FAM229B: variants seen among roughly 807,000 people sequenced by gnomAD.
FAM229B encodes the protein protein FAM229B.
FAM229B carries 2 observed loss-of-function variants against 6.7 expected under a neutral mutation model. That is an observed-to-expected ratio of 0.30 (90% CI 0.12 to 0.94). The LOEUF (loss-of-function observed/expected upper bound fraction) is 0.94. Ranked by LOEUF, FAM229B falls within the 40% of genes least tolerant of loss-of-function variation. The probability of loss-of-function intolerance (pLI) is 0.54; values close to 1 mark genes in which losing one functional copy is unlikely to be tolerated. For synonymous variants in FAM229B, 29 were observed against 34.0 expected, an observed-to-expected ratio of 0.85 and a Z score of 0.51; for missense variants, 93 against 96.2, an observed-to-expected ratio of 0.97 and a Z score of 0.14.
rs148610541 is a variant in FAM229B, at chr6:112,088,421, T to C, written c.-176+701T>C. On this transcript the variant is annotated intron_variant, in intron 1 of 3. Transcript: ENST00000368656. ...TCAAGTACTTCTTTAATGAAATTAA[T>C]ATTTTCCACAAAAATTCTGAAGAAC... Among the ~76,000 whole-genome samples the C allele has an allele frequency of 4.7e-3, 711 of 152,346 alleles. 9 individuals carry two copies. The highest frequency in any genetic ancestry group is 0.016 in the African/African-American group (674 of 41,578).
intron 1 of FAM229B, 31 bp from the exon 2 acceptor site, chr6:112,097,010 G>T (rs1777335013): frequency 6.6e-6 from 1 of 152,216 alleles, no homozygotes; most frequent in Non-Finnish European, 1.5e-5. Context: ...CTTGTTGTTG[G>T]AGCTATGCAT....
intron 1 of FAM229B, among the ~76,000 whole-genome samples, chr6:112,093,239 C>T (rs1424511489): frequency 6.6e-6 from 1 of 151,744 alleles, no homozygotes; most frequent in Non-Finnish European, 1.5e-5. Flanking sequence ...TGAAAAGTAT[C>T]TATACAAGTA....
In FAM229B at chr6:112,100,949, C is replaced by T; in HGVS notation, c.*162C>T. ...CGACAGAAATGTAGTCAGTAAAGCACATGTAGTGATAGGCTATCAGTTATG... is the reference window on the plus strand; with the variant it reads ...CGACAGAAATGTAGTCAGTAAAGCATATGTAGTGATAGGCTATCAGTTATG... On this transcript the variant is annotated 3_prime_UTR_variant, in exon 4 of 4. Transcript: ENST00000368656. The T allele has an allele frequency of 1.6e-6, 1 of 618,068 alleles. No individual in the cohort carries two copies. The highest frequency in any genetic ancestry group is 2.9e-6 in the Non-Finnish European group (1 of 345,410). The allele number at this position is 618,068 out of a possible 1,614,324, so 38.3% of individuals were successfully genotyped here. A position where few individuals can be genotyped will look rare whatever the true frequency, so the allele number is the denominator to read the frequency against.
At chr6:112,092,368 T>C (rs1351076026) in intron 1 of FAM229B, among the ~76,000 whole-genome samples, 2 of 152,126 alleles carry the variant, frequency 1.3e-5, no homozygotes, top group Non-Finnish European at 2.9e-5. Flanking sequence ...ACAGACTTCT[T>C]GTTGGGAACA....
At chr6:112,088,717 A>G (rs1164520538) in intron 1 of FAM229B, among the ~76,000 whole-genome samples, 1 of 152,176 alleles carries the variant, frequency 6.6e-6, no homozygotes, top group Non-Finnish European at 1.5e-5. Flanking sequence ...GGTCAGTGGT[A>G]GAGGTAAAGT....
intron 1 of FAM229B, among the ~76,000 whole-genome samples, chr6:112,096,627 G>T (rs1040546882): frequency 2.6e-5 from 4 of 152,106 alleles, no homozygotes; most frequent in Non-Finnish European, 5.9e-5. Flanking sequence ...GGAATTTGAA[G>T]ACTCTCTTGA....
chr6:112,088,944 T>C (rs1777218536), intron 1 of FAM229B, among the ~76,000 whole-genome samples: 1 of 152,156 alleles, frequency 6.6e-6, no homozygotes, highest in Non-Finnish European at 1.5e-5. Context: ...CACATCTTAT[T>C]AATAACTTCA....
chr6:112,097,568 C>T (rs1278903086), intron 2 of FAM229B, among the ~76,000 whole-genome samples: 1 of 151,986 alleles, frequency 6.6e-6, no homozygotes, highest in East Asian at 1.9e-4. Flanking sequence ...TAGCTGAAAA[C>T]ATTGTGTACT....
intron 1 of FAM229B, among the ~76,000 whole-genome samples, chr6:112,091,375 C>G (rs1434281471): frequency 1.3e-5 from 2 of 152,146 alleles, no homozygotes; most frequent in African/African-American, 4.8e-5. Flanking sequence ...GAAAGAACCA[C>G]TGGAAATAAG....
chr6:112,099,206 A>G lies in FAM229B; in HGVS notation c.-14-64A>G, dbSNP rs149710746. 3.0e-3 allele frequency: 4,240 copies of G among 1,400,570 alleles called. 7 individuals carry two copies. Among genetic ancestry groups the G allele is most frequent in the Non-Finnish European group, 3.9e-3 (3,962 of 1,008,222 alleles). The allele number at this position is 1,400,570 out of a possible 1,614,324, so 86.8% of individuals were successfully genotyped here. A position where few individuals can be genotyped will look rare whatever the true frequency, so the allele number is the denominator to read the frequency against. ...CCATGCAAGTCTTTGAAGACAATCT[A>G]TCTCCACCCCCAATATTTTAATTTT... On this transcript the variant is annotated intron_variant, in intron 2 of 3. Transcript: ENST00000368656.
chr6:112,097,694 A>C (rs782709530), intron 2 of FAM229B, among the ~76,000 whole-genome samples: 38 of 152,228 alleles, frequency 2.5e-4, no homozygotes, highest in Non-Finnish European at 4.9e-4. Context: ...ATTGTGTACT[A>C]ATAGTTGAAT....
rs1334466978 is a variant in FAM229B, at chr6:112,093,881, CAA to C, written c.-175-3156_-175-3155del. Among the ~76,000 whole-genome samples, 13 of 151,796 alleles carry C rather than the reference CAA, an allele frequency of 8.6e-5. No individual in the cohort carries two copies. In the East Asian group the frequency reaches 2.1e-3, roughly 25 times the overall value. ...AAGTGATACAAAGAATGTTCTCTAA[CAA>C]AAATGGAACCTAATTAGAAATCAGT... is the stretch of plus-strand genomic sequence containing the variant. On this transcript the variant is annotated intron_variant, in intron 1 of 3. Coordinates refer to ENST00000368656, the MANE Select transcript of FAM229B (RefSeq NM_001033564.3).
chr6:112,090,003 A>G (rs782699373), intron 1 of FAM229B, among the ~76,000 whole-genome samples: 17 of 152,322 alleles, frequency 1.1e-4, no homozygotes, highest in South Asian at 6.2e-4. Flanking sequence ...TTTTTTAGGT[A>G]CCTAGGCATG....
chr6:112,092,004 T>G (rs1276298302), intron 1 of FAM229B, among the ~76,000 whole-genome samples: 1 of 152,044 alleles, frequency 6.6e-6, no homozygotes, highest in Non-Finnish European at 1.5e-5. Context: ...AACTTAAAGA[T>G]GTAGCAATGG....
chr6:112,095,668 A>AAACC, intron 1 of FAM229B, among the ~76,000 whole-genome samples: 1 of 136,330 alleles, frequency 7.3e-6, no homozygotes, highest in African/African-American at 3.5e-5. Flanking sequence ...AAACCAAAAA[A>AAACC]AAAAAAAAAG....
intron 1 of FAM229B, among the ~76,000 whole-genome samples, chr6:112,093,348 A>G (rs1243328636): frequency 2.0e-5 from 3 of 152,106 alleles, no homozygotes; most frequent in Admixed American, 2.0e-4. Context: ...ATATTTATGC[A>G]CCAAATAATA....
intron 1 of FAM229B, among the ~76,000 whole-genome samples, chr6:112,092,362 ACTT>A (rs1238892497): frequency 6.6e-6 from 1 of 152,088 alleles, no homozygotes; most frequent in South Asian, 2.1e-4. Flanking sequence ...AAATCAACAG[ACTT>A]CTTGTTGGGA....
At chr6:112,090,942 A>G (rs941813201) in intron 1 of FAM229B, among the ~76,000 whole-genome samples, 2 of 152,166 alleles carry the variant, frequency 1.3e-5, no homozygotes, top group South Asian at 4.1e-4. Context: ...TAATAGATCT[A>G]TAAAACTTAT....
intron 1 of FAM229B, among the ~76,000 whole-genome samples, chr6:112,096,717 A>C (rs1554318694): frequency 1.3e-5 from 2 of 152,172 alleles, no homozygotes; most frequent in Non-Finnish European, 2.9e-5. Flanking sequence ...TTATAGAGAA[A>C]TTTGTAAAGG....
Sources: allele counts gnomAD v4.1 joint callset (sites outside exome capture counted in the v4.1 genomes callset), GRCh38; gene constraint gnomAD v4.1.1; transcripts MANE v1.5; gene names NCBI Gene and HGNC (gene_info 2026-07-23, HGNC 2026-07-21).